Variants in APOO observed in about 807,000 individuals in gnomAD.
APOO encodes the protein apolipoprotein O.
APOO carries 11 observed loss-of-function variants against 23.1 expected under a neutral mutation model. The observed-to-expected ratio is 0.48, with a 90% CI of 0.30 to 0.79. The LOEUF is 0.79. Among genes scored for constraint, APOO ranks in the 30% least tolerant of loss-of-function variants. The pLI is 0.07. For missense variants in APOO, 160 were observed against 142.7 expected, an observed-to-expected ratio of 1.12 and a Z score of -0.62; for synonymous variants, 59 against 54.8, an observed-to-expected ratio of 1.08 and a Z score of -0.34.
chrX:23,867,555 T>G (rs964681126), intron 5 of APOO, among the ~76,000 whole-genome samples: 1 of 111,448 alleles, frequency 9.0e-6, no homozygotes, highest in Non-Finnish European at 1.9e-5. Context: ...CTTTTTTTTT[T>G]CTTTTGAGAC....
At chrX:23,861,764 C>G (rs368853370) in intron 5 of APOO, among the ~76,000 whole-genome samples, 1 of 105,779 alleles carries the variant, frequency 9.5e-6, no homozygotes, top group Non-Finnish European at 1.9e-5. Flanking sequence ...AGAACCTGCC[C>G]GTCAGTGGGC....
rs762700350 is a variant in APOO at position 23,848,688 on chromosome X, C to CT, written c.561+7613dup. 4.4e-3 allele frequency among the ~76,000 whole-genome samples: 420 copies of CT among 95,226 alleles called. 4 individuals carry two copies. The highest frequency in any genetic ancestry group is 0.012 in the African/African-American group (314 of 26,574). 82.7% of individuals were successfully genotyped at this position (95,226 alleles called of 115,157 possible). ...AAGCAAAATATCACCATTTTCTTTT[C>CT]TTTTTTTTTTTTTTTGAGACAGAGT... is the stretch of plus-strand genomic sequence containing the variant. On this transcript the variant is annotated intron_variant, in intron 7 of 8. Transcript: ENST00000379226.
intron 1 of APOO, among the ~76,000 whole-genome samples, chrX:23,887,183 T>A (rs1254621628): frequency 9.4e-6 from 1 of 105,972 alleles, no homozygotes; most frequent in Non-Finnish European, 1.9e-5. Context: ...TCGGACTGAA[T>A]ATACCTCCCA....
At chrX:23,840,236 T>C (rs758558584) in intron 8 of APOO, 77 bp downstream of exon 8, 65 of 548,887 alleles carry the variant, frequency 1.2e-4, no homozygotes, top group Non-Finnish European at 1.6e-4. Context: ...ATTAATTAAA[T>C]TAAATTAATT....
chrX:23,885,961 A>G (rs757721064), intron 1 of APOO, among the ~76,000 whole-genome samples: 1 of 111,912 alleles, frequency 8.9e-6, no homozygotes, highest in East Asian at 2.8e-4. Flanking sequence ...TTTGCAGAGA[A>G]CACATGATTT....
intron 8 of APOO, among the ~76,000 whole-genome samples, chrX:23,838,366 AAAAAAAAAAAAG>A (rs1336729564): frequency 9.7e-6 from 1 of 103,522 alleles, no homozygotes; most frequent in East Asian, 3.0e-4. Flanking sequence ...TCAAAAAAAA[AAAAAAAAAAAAG>A]AAAGAAAGAA....
At position 23,898,111 on chromosome X, in the gene APOO, T is replaced by G. The variant is rs182636696; in HGVS notation, c.9+9583A>C. ...TCATATCTCTTTTTTTGTTGTTGTTTTTTTTGACATAGGGTCTCATTCTGT... is the reference window on the plus strand; with the variant it reads ...TCATATCTCTTTTTTTGTTGTTGTTGTTTTTGACATAGGGTCTCATTCTGT... On this transcript the variant is annotated intron_variant, in intron 1 of 8. Transcript: ENST00000379226. Among the ~76,000 whole-genome samples the G allele has an allele frequency of 1.7e-3, 190 of 109,259 alleles. 1 individual carries two copies. The highest frequency in any genetic ancestry group is 0.013 in the East Asian group (47 of 3,500). The allele number at this position is 109,259 out of a possible 115,157, so 94.9% of individuals were successfully genotyped here.
intron 1 of APOO, among the ~76,000 whole-genome samples, chrX:23,895,738 T>C (rs960199337): frequency 3.6e-5 from 4 of 110,588 alleles, no homozygotes; most frequent in Non-Finnish European, 5.7e-5. Context: ...AAACGTAGTG[T>C]CCAACATAAA....
chrX:23,889,943 C>G (rs5925961), intron 1 of APOO, among the ~76,000 whole-genome samples: 12,753 of 110,071 alleles, frequency 0.12, 599 homozygotes, highest in South Asian at 0.18. Context: ...TTACAGGCGT[C>G]AGCCACCGCG....
intron 5 of APOO, among the ~76,000 whole-genome samples, chrX:23,864,088 T>C (rs1925229098): frequency 9.3e-6 from 1 of 107,630 alleles, no homozygotes; most frequent in Non-Finnish European, 1.9e-5. Flanking sequence ...CTCCACCTCT[T>C]GGGTTCAAGT....
chrX:23,837,388 C>T lies in APOO; in HGVS notation c.*29+2925G>A, dbSNP rs1049389630. On this transcript the variant is annotated intron_variant, in intron 8 of 8. Transcript: ENST00000379226. ...ATGATAATATAATTACAATTATATG[C>T]CTTCAGTAAGTTTTCTGTGCAGCTA... is the stretch of plus-strand genomic sequence containing the variant. The T allele has an allele frequency of 1.8e-4, 124 of 692,896 alleles. No individual in the cohort carries two copies. In the Middle Eastern group the frequency reaches 2.4e-3, roughly 13 times the overall value. The allele number at this position is 692,896 out of a possible 1,213,427, so 57.1% of individuals were successfully genotyped here. A position where few individuals can be genotyped will look rare whatever the true frequency, so the allele number is the denominator to read the frequency against.
intron 5 of APOO, among the ~76,000 whole-genome samples, chrX:23,863,775 G>A (rs1240879259): frequency 6.3e-5 from 7 of 110,616 alleles, no homozygotes; most frequent in Non-Finnish European, 1.1e-4. Context: ...GAACTGTGTT[G>A]AAGTCTCAGG....
chrX:23,896,173 C>A (rs1276936291), intron 1 of APOO, among the ~76,000 whole-genome samples: 1 of 109,742 alleles, frequency 9.1e-6, no homozygotes, highest in Non-Finnish European at 1.9e-5. Context: ...GAGGCTGAGG[C>A]AGGAGAATTG....
chrX:23,903,239 C>T (rs926257488), intron 1 of APOO, among the ~76,000 whole-genome samples: 4 of 110,356 alleles, frequency 3.6e-5, no homozygotes, highest in Non-Finnish European at 3.8e-5. Context: ...CATGGTGGCG[C>T]GCACCTGTCA....
At chrX:23,861,559 C>CAA (rs1344776442) in intron 5 of APOO, among the ~76,000 whole-genome samples, 79 of 38,463 alleles carry the variant, frequency 2.1e-3, no homozygotes, top group East Asian at 4.3e-3. Context: ...GATCCTGTCT[C>CAA]AAAAAAAAAA....
intron 1 of APOO, among the ~76,000 whole-genome samples, chrX:23,882,403 A>G (rs1332302192): frequency 1.8e-5 from 2 of 112,296 alleles, no homozygotes; most frequent in Non-Finnish European, 3.8e-5. Flanking sequence ...AATCTCAGTA[A>G]TATGATTTCC....
At chrX:23,885,616 T>C (rs1169414364) in intron 1 of APOO, among the ~76,000 whole-genome samples, 5 of 110,000 alleles carry the variant, frequency 4.5e-5, no homozygotes, top group Non-Finnish European at 5.7e-5. Flanking sequence ...GGATTCTTAA[T>C]TATTAATTTC....
Position 23,907,933 on chromosome X carries a change from G to T in APOO, c.-231C>A, listed in dbSNP as rs1452760027. ...CGTCGCGCCCGGGCAGCGGGTGAAC[G>T]CAAACCCCGCCCTCCAGGAGGCTCC... On this transcript the variant is annotated 5_prime_UTR_variant, in exon 1 of 9. Transcript: ENST00000379226. The T allele has an allele frequency of 2.8e-6, 1 of 360,456 alleles. No individual in the cohort carries two copies. The highest frequency in any genetic ancestry group is 4.7e-6 in the Non-Finnish European group (1 of 213,409). 29.7% of individuals were successfully genotyped at this position (360,456 alleles called of 1,213,427 possible).
chrX:23,894,668 C>T (rs1388168207), intron 1 of APOO, among the ~76,000 whole-genome samples: 2 of 109,363 alleles, frequency 1.8e-5, no homozygotes, highest in African/African-American at 3.3e-5. Context: ...TGGTGGAGTG[C>T]GCCTGTAATC....
Sources: gnomAD v4.1 joint callset for allele counts (sites outside exome capture counted in the v4.1 genomes callset) on GRCh38, gnomAD v4.1.1 for gene constraint, MANE v1.5 for transcripts, NCBI Gene and HGNC (gene_info 2026-07-23, HGNC 2026-07-21) for gene names.